CFAP95: variants seen among roughly 807,000 people sequenced by gnomAD.
The protein encoded by CFAP95 is cilia and flagella associated protein 95, also known as cilia- and flagella-associated protein 95.
At chr9:69,887,569 C>A in the CFAP95 span, among the ~76,000 whole-genome samples, 1,353 of 152,246 alleles carry the variant, frequency 8.9e-3, 21 homozygotes, top group African/African-American at 0.031. Context: ...AAGAAAAAAG[C>A]ATACTAATTA....
the CFAP95 span, among the ~76,000 whole-genome samples, chr9:69,895,369 C>CTCTCTCTCTGTGTGTGTGTG: frequency 5.5e-3 from 595 of 107,840 alleles, 5 homozygotes; most frequent in South Asian, 0.013. Flanking sequence ...CTCTCTCTCT[C>CTCTCTCTCTGTGTGTGTGTG]TGTGTGTGTG....
the CFAP95 span, among the ~76,000 whole-genome samples, chr9:69,853,062 C>A: frequency 6.6e-6 from 1 of 152,128 alleles, no homozygotes; most frequent in East Asian, 1.9e-4. Context: ...ACCAATACAC[C>A]TTCCTTCACT....
the CFAP95 span, among the ~76,000 whole-genome samples, chr9:69,843,613 T>TTCG: frequency 2.8e-5 from 2 of 71,766 alleles, no homozygotes; most frequent in Non-Finnish European, 2.4e-5. Flanking sequence ...CTTCTTCTTC[T>TTCG]TCTTCTTCTT....
the CFAP95 span, among the ~76,000 whole-genome samples, chr9:69,871,428 A>G: frequency 6.6e-6 from 1 of 152,136 alleles, no homozygotes; most frequent in Non-Finnish European, 1.5e-5. Context: ...CGGTAGGAAT[A>G]ATCAGATTTG....
chr9:69,830,336 G>A, the CFAP95 span, among the ~76,000 whole-genome samples: 25 of 152,308 alleles, frequency 1.6e-4, no homozygotes, highest in South Asian at 2.1e-4. Context: ...CAAGGAGGAC[G>A]CATCCAGGAG....
the CFAP95 span, among the ~76,000 whole-genome samples, chr9:69,854,522 G>A: frequency 1.3e-5 from 2 of 152,176 alleles, no homozygotes; most frequent in Non-Finnish European, 2.9e-5. Flanking sequence ...TGATTTGCCT[G>A]GGCATTATTT....
At chr9:69,886,858 C>T in the CFAP95 span, 1 of 1,613,314 alleles carries the variant, frequency 6.2e-7, no homozygotes, top group Non-Finnish European at 8.5e-7. Context: ...ACAACGTACT[C>T]AGAAGATTAT....
At chr9:69,824,580 G>C in the CFAP95 span, among the ~76,000 whole-genome samples, 9 of 139,072 alleles carry the variant, frequency 6.5e-5, no homozygotes, top group Admixed American at 1.5e-4. Context: ...TTTGCATTTC[G>C]TGCTTTTTGT....
the CFAP95 span, among the ~76,000 whole-genome samples, chr9:69,841,684 A>G: frequency 6.6e-6 from 1 of 152,200 alleles, no homozygotes; most frequent in African/African-American, 2.4e-5. Context: ...AAAGAGGTTT[A>G]ATTGACTCAC....
chr9:69,903,169 G>T, the CFAP95 span, among the ~76,000 whole-genome samples: 22 of 152,170 alleles, frequency 1.4e-4, no homozygotes, highest in Non-Finnish European at 2.4e-4. Context: ...TGCTAGATTG[G>T]TTATAGGAGA....
the CFAP95 span, among the ~76,000 whole-genome samples, chr9:69,855,427 C>G: frequency 4.7e-4 from 71 of 152,316 alleles, no homozygotes; most frequent in African/African-American, 1.6e-3. Flanking sequence ...AAAATGGTGG[C>G]TACTAATTTT....
the CFAP95 span, among the ~76,000 whole-genome samples, chr9:69,834,066 A>C: frequency 2.0e-5 from 3 of 152,212 alleles, no homozygotes; most frequent in African/African-American, 7.2e-5. Flanking sequence ...GACTATTGGA[A>C]TAGGAGCTTA....
the CFAP95 span, chr9:69,856,674 G>A: frequency 1.3e-6 from 2 of 1,594,872 alleles, no homozygotes; most frequent in Non-Finnish European, 1.7e-6. Context: ...TTATCGAAAG[G>A]TATTCTTAAT....
chr9:69,904,844 T>G, the CFAP95 span, among the ~76,000 whole-genome samples: 2 of 152,226 alleles, frequency 1.3e-5, no homozygotes, highest in Non-Finnish European at 2.9e-5. Flanking sequence ...ATTATGTAGC[T>G]CTGCAATTTT....
chr9:69,821,388 G>A, the CFAP95 span, among the ~76,000 whole-genome samples: 1 of 152,086 alleles, frequency 6.6e-6, no homozygotes, highest in African/African-American at 2.4e-5. Context: ...ACTGGGCCAC[G>A]CAGCAGCCAA....
chr9:69,840,851 G>A, the CFAP95 span, among the ~76,000 whole-genome samples: 2 of 151,994 alleles, frequency 1.3e-5, no homozygotes, highest in Non-Finnish European at 2.9e-5. Flanking sequence ...ATGGGCAGCC[G>A]GCAGGCACGA....
the CFAP95 span, among the ~76,000 whole-genome samples, chr9:69,862,206 A>G: frequency 6.6e-6 from 1 of 152,150 alleles, no homozygotes; most frequent in Admixed American, 6.6e-5. Context: ...GCTAATTTCT[A>G]TCTTATTTGA....
At chr9:69,878,531 C>T in the CFAP95 span, among the ~76,000 whole-genome samples, 4 of 152,126 alleles carry the variant, frequency 2.6e-5, no homozygotes, top group Non-Finnish European at 5.9e-5. Context: ...TGTGGTATTC[C>T]CTATCCTTCA....
At chr9:69,895,335 GTCTCTCTCTCTC>G in the CFAP95 span, among the ~76,000 whole-genome samples, 12 of 121,270 alleles carry the variant, frequency 9.9e-5, no homozygotes, top group South Asian at 3.2e-4. Flanking sequence ...CTTAAAATCA[GTCTCTCTCTCTC>G]TCTCTCTCTC....
Sources: allele counts gnomAD v4.1 joint callset (sites outside exome capture counted in the v4.1 genomes callset), GRCh38; gene constraint gnomAD v4.1.1; transcripts MANE v1.5; gene names NCBI Gene and HGNC (gene_info 2026-07-23, HGNC 2026-07-21).